SLC13A1: variants seen among roughly 807,000 people sequenced by gnomAD.
The protein encoded by SLC13A1 is Na(+)/sulfate cotransporter.
In SLC13A1, 65 loss-of-function variants were observed where a neutral mutation model predicts 70.0. The ratio of observed to expected loss-of-function variants is 0.93; its 90% CI spans 0.76 to 1.14. The LOEUF (loss-of-function observed/expected upper bound fraction) is 1.14. Among genes scored for constraint, SLC13A1 ranks in the 50% most tolerant of loss-of-function variants. SLC13A1 has a pLI of 0.00. For synonymous variants in SLC13A1, 275 were observed against 250.5 expected, an observed-to-expected ratio of 1.10 and a Z score of -0.92; for missense variants, 726 against 717.8, an observed-to-expected ratio of 1.01 and a Z score of -0.13.
In SLC13A1 at chr7:123,134,511, A is replaced by G; in HGVS notation, c.831T>C (p.Arg277=). 6.2e-7 allele frequency: 1 copy of G among 1,613,488 alleles called. No individual in the cohort carries two copies. The highest frequency in any genetic ancestry group is 8.5e-7 in the Non-Finnish European group (1 of 1,179,572). The change falls in exon 8 of 15, where the codon CGT becomes CGC. Residue 277 remains arginine (R), a synonymous_variant. Coordinates refer to ENST00000194130, the MANE Select transcript of SLC13A1 (RefSeq NM_022444.4). ...TAAACCATGATCCAAAGTTGAGGCA[A>G]CGACAGTCAGGATAGCGTCTGTGTG... ...EYFNTRYPDC[R]CLNFGSWFTF...
intron 6 of SLC13A1, among the ~76,000 whole-genome samples, chr7:123,162,947 T>A (rs907983786): frequency 6.6e-6 from 1 of 152,158 alleles, no homozygotes; most frequent in African/African-American, 2.4e-5. Context: ...AAAACAATTA[T>A]CTCAGATTTT....
chr7:123,118,651 A>C (rs1180826910), intron 13 of SLC13A1, among the ~76,000 whole-genome samples: 1 of 152,130 alleles, frequency 6.6e-6, no homozygotes, highest in African/African-American at 2.4e-5. Flanking sequence ...GTGTGAGCCT[A>C]GTTTTTCATT....
chr7:123,147,737 T>C (rs1794413243), intron 6 of SLC13A1, among the ~76,000 whole-genome samples: 1 of 152,170 alleles, frequency 6.6e-6, no homozygotes, highest in African/African-American at 2.4e-5. Flanking sequence ...CTGACTAATA[T>C]AGCATTTATC....
Position 123,186,274 on chromosome 7 carries a change from A to C in SLC13A1, c.100-5173T>G, listed in dbSNP as rs563229452. Among the ~76,000 whole-genome samples, 54 of 152,206 alleles carry C rather than the reference A, an allele frequency of 3.5e-4. 2 individuals are homozygous for C. The highest frequency in any genetic ancestry group is 1.3e-3 in the African/African-American group (54 of 41,542). On this transcript the variant is annotated intron_variant, in intron 1 of 14. Coordinates refer to ENST00000194130, the MANE Select transcript of SLC13A1 (RefSeq NM_022444.4). Reference sequence around the variant, plus strand: ...CATCTATTCACACATGCACACAAAGAATACGAGGGTGAGTAACTTTTGGTG... The same window carrying C: ...CATCTATTCACACATGCACACAAAGCATACGAGGGTGAGTAACTTTTGGTG...
intron 1 of SLC13A1, 81 bp from the exon 2 acceptor site, chr7:123,181,182 A>G: frequency 1.4e-6 from 2 of 1,439,980 alleles, no homozygotes; most frequent in East Asian, 4.8e-5. Context: ...TGTTTGCTTA[A>G]TAGAGCCATG....
At chr7:123,183,160 C>T (rs539319738) in intron 1 of SLC13A1, among the ~76,000 whole-genome samples, 4 of 152,222 alleles carry the variant, frequency 2.6e-5, no homozygotes, top group Admixed American at 6.5e-5. Context: ...GACCCTTTGA[C>T]CGTGTTTGAT....
At chr7:123,163,994 A>G (rs1270251105) in intron 6 of SLC13A1, among the ~76,000 whole-genome samples, 1 of 152,086 alleles carries the variant, frequency 6.6e-6, no homozygotes, top group Admixed American at 6.6e-5. Context: ...TCTCTGCCCC[A>G]TGAACCTTGC....
At chr7:123,168,290 C>T in intron 6 of SLC13A1, 84 bp downstream of exon 6, 1 of 832,474 alleles carries the variant, frequency 1.2e-6, no homozygotes, top group Non-Finnish European at 1.9e-6. Flanking sequence ...AAGCAAGTGG[C>T]AGGTTTTAAA....
chr7:123,136,888 C>A (rs568449105), intron 7 of SLC13A1, among the ~76,000 whole-genome samples: 2 of 151,896 alleles, frequency 1.3e-5, no homozygotes, highest in Non-Finnish European at 2.9e-5. Context: ...GCATTCCAGA[C>A]GGAGGAAATA....
At chr7:123,156,350 T>A (rs1794714053) in intron 6 of SLC13A1, among the ~76,000 whole-genome samples, 1 of 152,174 alleles carries the variant, frequency 6.6e-6, no homozygotes, top group African/African-American at 2.4e-5. Flanking sequence ...ACCTGCCATC[T>A]TAATGGAAGA....
At chr7:123,125,541 T>G (rs1420778501) in intron 11 of SLC13A1, 28 bp downstream of exon 11, 2 of 1,505,714 alleles carry the variant, frequency 1.3e-6, no homozygotes, top group Admixed American at 3.8e-5. Flanking sequence ...TCTGTTAAAT[T>G]TATGCAGAAT....
chr7:123,179,103 A>G (rs949557164), intron 2 of SLC13A1, among the ~76,000 whole-genome samples: 1 of 152,126 alleles, frequency 6.6e-6, no homozygotes, highest in African/African-American at 2.4e-5. Context: ...TGAGGTCTGG[A>G]AACCACTAAG....
chr7:123,122,385 C>A (rs1232562327), intron 12 of SLC13A1, among the ~76,000 whole-genome samples: 1 of 151,976 alleles, frequency 6.6e-6, no homozygotes, highest in Non-Finnish European at 1.5e-5. Flanking sequence ...CTATGAAAAC[C>A]AGAATGAGTG....
intron 1 of SLC13A1, chr7:123,190,636 G>T (rs1319770219): frequency 4.4e-6 from 2 of 456,668 alleles, no homozygotes; most frequent in Non-Finnish European, 4.4e-6. Context: ...AGAATAAGCT[G>T]TCTAAGACTC....
At chr7:123,150,198 A>G (rs1002132762) in intron 6 of SLC13A1, among the ~76,000 whole-genome samples, 2 of 152,094 alleles carry the variant, frequency 1.3e-5, no homozygotes, top group Admixed American at 6.6e-5. Context: ...TATTATCTCT[A>G]TACGTCCCTC....
rs111436496 is a variant in SLC13A1, at chr7:123,169,206, G to A, written c.495C>T (p.Val165=). 5.0e-6 allele frequency: 8 copies of A among 1,613,974 alleles called. No homozygotes were observed. In the Admixed American group the frequency reaches 8.3e-5, roughly 17 times the overall value. ...VQQIINAEAE[V]EATQMTYFNG... ...TGAAGTAAGTCATCTGAGTGGCCTC[G>A]ACCTCTGCTTCTGCATTGATGATCT... The change falls in exon 4 of 15, where the codon GTC becomes GTT. Residue 165 remains valine (V), a synonymous_variant. Coordinates refer to ENST00000194130, the MANE Select transcript of SLC13A1 (RefSeq NM_022444.4).
intron 7 of SLC13A1, 145 bp from the exon 8 acceptor site, chr7:123,134,674 A>C (rs1793891172): frequency 1.6e-6 from 1 of 623,608 alleles, no homozygotes; most frequent in Non-Finnish European, 2.6e-6. Context: ...TAAATAGAGT[A>C]CTTTTACCCC....
At chr7:123,165,469 C>T (rs993190217) in intron 6 of SLC13A1, among the ~76,000 whole-genome samples, 8 of 152,040 alleles carry the variant, frequency 5.3e-5, no homozygotes, top group Admixed American at 1.3e-4. Flanking sequence ...CACAATCTAC[C>T]GCTCCCTAGT....
chr7:123,157,967 G>A (rs185280910), intron 6 of SLC13A1, among the ~76,000 whole-genome samples: 14 of 152,100 alleles, frequency 9.2e-5, no homozygotes, highest in Non-Finnish European at 1.8e-4. Context: ...TCCTAACCAT[G>A]AGCATTTTTT....
Sources: allele counts gnomAD v4.1 joint callset (sites outside exome capture counted in the v4.1 genomes callset), GRCh38; gene constraint gnomAD v4.1.1; transcripts MANE v1.5; gene names NCBI Gene and HGNC (gene_info 2026-07-23, HGNC 2026-07-21).